Variants in MPZL1 observed in about 807,000 individuals in gnomAD.
MPZL1 encodes myelin protein zero-like protein 1.
MPZL1 carries 16 observed loss-of-function variants against 29.3 expected under a neutral mutation model. The ratio of observed to expected loss-of-function variants is 0.55; its 90% CI spans 0.37 to 0.83. MPZL1 has a LOEUF of 0.83. Ranked by LOEUF, MPZL1 falls within the 40% of genes least tolerant of loss-of-function variation. The pLI is 0.00. For missense variants in MPZL1, 279 were observed against 332.9 expected, an observed-to-expected ratio of 0.84 and a Z score of 1.26; for synonymous variants, 143 against 132.0, an observed-to-expected ratio of 1.08 and a Z score of -0.57.
intron 1 of MPZL1, among the ~76,000 whole-genome samples, chr1:167,731,385 C>T (rs1012973370): frequency 2.7e-5 from 4 of 150,906 alleles, no homozygotes; most frequent in Admixed American, 6.6e-5. Flanking sequence ...TGCAGTAAGC[C>T]GAGATTGTGC....
At chr1:167,751,631 A>G (rs1660759929) in intron 1 of MPZL1, among the ~76,000 whole-genome samples, 1 of 150,438 alleles carries the variant, frequency 6.6e-6, no homozygotes, top group Admixed American at 6.7e-5. Context: ...AGATGGCACC[A>G]TTGCACTCCA....
At chr1:167,764,435 T>C (rs1017682210) in intron 1 of MPZL1, among the ~76,000 whole-genome samples, 3 of 152,350 alleles carry the variant, frequency 2.0e-5, no homozygotes, top group African/African-American at 7.2e-5. Flanking sequence ...AAATGTGATA[T>C]ACGGTGTAAT....
chr1:167,773,458 A>G, intron 4 of MPZL1, 90 bp downstream of exon 4: 2 of 1,392,354 alleles, frequency 1.4e-6, no homozygotes, highest in Admixed American at 5.2e-5. Flanking sequence ...AGGATTTTAA[A>G]GAATTAACTA....
intron 5 of MPZL1, among the ~76,000 whole-genome samples, chr1:167,783,050 C>A (rs373063739): frequency 2.0e-5 from 3 of 152,132 alleles, no homozygotes; most frequent in Non-Finnish European, 4.4e-5. Flanking sequence ...AACTTGATTG[C>A]GAATCTGGTG....
At chr1:167,768,835 G>T (rs557697057) in intron 2 of MPZL1, among the ~76,000 whole-genome samples, 1 of 152,180 alleles carries the variant, frequency 6.6e-6, no homozygotes, top group South Asian at 2.1e-4. Flanking sequence ...GCTCATCCCC[G>T]CTGGTTCAGA....
chr1:167,777,113 C>G (rs191295847), intron 5 of MPZL1, among the ~76,000 whole-genome samples: 1 of 152,328 alleles, frequency 6.6e-6, no homozygotes, highest in East Asian at 1.9e-4. Flanking sequence ...CCTGTTCTAT[C>G]TGTCTGTCTC....
chr1:167,772,549 A>G, intron 3 of MPZL1, 61 bp downstream of exon 3: 2 of 1,450,036 alleles, frequency 1.4e-6, no homozygotes, highest in Non-Finnish European at 1.9e-6. Context: ...GTTTGGTTGG[A>G]AAACATGAGT....
chr1:167,770,373 T>A (rs1354257259), intron 2 of MPZL1, among the ~76,000 whole-genome samples: 1 of 152,256 alleles, frequency 6.6e-6, no homozygotes, highest in Admixed American at 6.5e-5. Flanking sequence ...CACTGGGCCT[T>A]AACCCTGCTT....
chr1:167,739,636 A>G (rs1660474209), intron 1 of MPZL1, among the ~76,000 whole-genome samples: 1 of 152,150 alleles, frequency 6.6e-6, no homozygotes, highest in Non-Finnish European at 1.5e-5. Context: ...TGACACCCAG[A>G]GAAGCCCCAG....
At chr1:167,753,017 A>G (rs1272733537) in intron 1 of MPZL1, among the ~76,000 whole-genome samples, 2 of 152,194 alleles carry the variant, frequency 1.3e-5, no homozygotes, top group Non-Finnish European at 2.9e-5. Context: ...GCTGAAGTTA[A>G]TTGCAAGGGA....
intron 1 of MPZL1, among the ~76,000 whole-genome samples, chr1:167,762,891 T>C (rs1661018666): frequency 6.6e-6 from 1 of 152,094 alleles, no homozygotes; most frequent in Non-Finnish European, 1.5e-5. Context: ...AGGAAGTTAA[T>C]TTCTCAGTGT....
chr1:167,740,435 A>G (rs1660492492), intron 1 of MPZL1, among the ~76,000 whole-genome samples: 2 of 152,110 alleles, frequency 1.3e-5, no homozygotes, highest in African/African-American at 4.8e-5. Context: ...TCTTCCCTAT[A>G]GCCACCTTAT....
chr1:167,731,418 C>CA (rs1409173603), intron 1 of MPZL1, among the ~76,000 whole-genome samples: 1 of 148,336 alleles, frequency 6.7e-6, no homozygotes, highest in Non-Finnish European at 1.5e-5. Context: ...GCCTGGGCGA[C>CA]AGAGTAAAAC....
At chr1:167,743,564 C>A (rs1660581692) in intron 1 of MPZL1, among the ~76,000 whole-genome samples, 2 of 150,648 alleles carry the variant, frequency 1.3e-5, no homozygotes, top group Admixed American at 6.6e-5. Context: ...TTGTTTATGT[C>A]ATCTGTGATT....
chr1:167,735,870 GA>G (rs1660367802), intron 1 of MPZL1, among the ~76,000 whole-genome samples: 1 of 152,022 alleles, frequency 6.6e-6, no homozygotes, highest in Admixed American at 6.5e-5. Flanking sequence ...AATTTTAAAA[GA>G]TAAGCCATAG....
At chr1:167,725,251 G>T (rs1382622530) in intron 1 of MPZL1, among the ~76,000 whole-genome samples, 1 of 152,010 alleles carries the variant, frequency 6.6e-6, no homozygotes, top group Non-Finnish European at 1.5e-5. Context: ...ACCATTTCTT[G>T]CCTATATTAC....
chr1:167,765,892 C>A, intron 2 of MPZL1, 143 bp downstream of exon 2: 1 of 694,108 alleles, frequency 1.4e-6, no homozygotes, highest in Non-Finnish European at 2.2e-6. Flanking sequence ...CCTTCTTTTG[C>A]TTCAGGATAA....
intron 5 of MPZL1, among the ~76,000 whole-genome samples, chr1:167,780,131 A>G (rs139289487): frequency 5.1e-4 from 78 of 152,062 alleles, no homozygotes; most frequent in Non-Finnish European, 9.1e-4. Context: ...ACTTTAATGT[A>G]ATCATTTCAA....
intron 1 of MPZL1, among the ~76,000 whole-genome samples, chr1:167,756,885 A>G (rs957837140): frequency 6.6e-6 from 1 of 152,090 alleles, no homozygotes; most frequent in Non-Finnish European, 1.5e-5. Context: ...TGAGGAGAGC[A>G]TTTACAAGGA....
Sources: allele counts gnomAD v4.1 joint callset (sites outside exome capture counted in the v4.1 genomes callset), GRCh38; gene constraint gnomAD v4.1.1; transcripts MANE v1.5; gene names NCBI Gene and HGNC (gene_info 2026-07-23, HGNC 2026-07-21).